The following BMAL1 variants were observed in gnomAD, a reference collection of about 807,000 sequenced individuals.
The protein encoded by BMAL1 is basic helix-loop-helix ARNT like 1, also known as basic helix-loop-helix ARNT-like protein 1.
the BMAL1 span, among the ~76,000 whole-genome samples, chr11:13,301,070 G>A: frequency 9.9e-5 from 15 of 152,162 alleles, no homozygotes; most frequent in Non-Finnish European, 2.2e-4. Flanking sequence ...CCCGAGAGGT[G>A]GGATTATAGG....
the BMAL1 span, chr11:13,366,633 G>GT: frequency 6.4e-7 from 1 of 1,560,748 alleles, no homozygotes; most frequent in Admixed American, 1.7e-5. Context: ...GCATGCAATT[G>GT]ACTTGTCATG....
chr11:13,366,843 GTGAGC>G, the BMAL1 span: 1 of 1,367,930 alleles, frequency 7.3e-7, no homozygotes, highest in African/African-American at 1.4e-5. Flanking sequence ...CCAACCCTGA[GTGAGC>G]AGAGGGCGGG....
At chr11:13,365,571 C>G in the BMAL1 span, 1 of 1,613,672 alleles carries the variant, frequency 6.2e-7, no homozygotes, top group Non-Finnish European at 8.5e-7. Context: ...AGTCTGTCTT[C>G]AAGATCCTCA....
At chr11:13,381,014 C>T in the BMAL1 span, 1 of 670,370 alleles carries the variant, frequency 1.5e-6, no homozygotes, top group Non-Finnish European at 2.6e-6. Context: ...ACCATATGGC[C>T]TAGAGAGCCT....
chr11:13,301,030 C>T, the BMAL1 span, among the ~76,000 whole-genome samples: 1 of 152,136 alleles, frequency 6.6e-6, no homozygotes, highest in African/African-American at 2.4e-5. Flanking sequence ...TTCTGACTAC[C>T]TGATTCAAGC....
At chr11:13,289,538 C>A in the BMAL1 span, among the ~76,000 whole-genome samples, 1 of 152,188 alleles carries the variant, frequency 6.6e-6, no homozygotes, top group East Asian at 1.9e-4. Context: ...TCCCAGCCCC[C>A]CAGCCCCTGA....
At chr11:13,384,772 T>C in the BMAL1 span, among the ~76,000 whole-genome samples, 1 of 152,226 alleles carries the variant, frequency 6.6e-6, no homozygotes, top group African/African-American at 2.4e-5. Context: ...TTTTAGAAAA[T>C]AGTTATTTTT....
chr11:13,355,203 A>G, the BMAL1 span: 1 of 1,611,076 alleles, frequency 6.2e-7, no homozygotes, highest in South Asian at 1.1e-5. Flanking sequence ...TACCCCCTAC[A>G]GCAGATGTCC....
At chr11:13,359,691 A>G in the BMAL1 span, among the ~76,000 whole-genome samples, 2 of 152,044 alleles carry the variant, frequency 1.3e-5, no homozygotes, top group East Asian at 3.8e-4. Context: ...ACTCCAAATC[A>G]TTTACTGCTG....
the BMAL1 span, among the ~76,000 whole-genome samples, chr11:13,359,167 G>A: frequency 6.6e-6 from 1 of 152,180 alleles, no homozygotes. Flanking sequence ...TGGGGAGGGT[G>A]AGAAAACATA....
At chr11:13,334,348 G>A in the BMAL1 span, among the ~76,000 whole-genome samples, 1 of 152,186 alleles carries the variant, frequency 6.6e-6, no homozygotes, top group African/African-American at 2.4e-5. Flanking sequence ...TCATTAGACA[G>A]GAGCCTTAGT....
chr11:13,369,833 C>A, the BMAL1 span: 1 of 1,563,452 alleles, frequency 6.4e-7, no homozygotes, highest in Admixed American at 1.9e-5. Context: ...GCGGAGCTCT[C>A]AGCTGGGCGT....
At chr11:13,360,205 C>T in the BMAL1 span, 1 of 649,268 alleles carries the variant, frequency 1.5e-6, no homozygotes, top group Non-Finnish European at 2.6e-6. Context: ...CTAGGCTCAT[C>T]TCAGTTAAGG....
chr11:13,313,155 C>T, the BMAL1 span, among the ~76,000 whole-genome samples: 47 of 152,356 alleles, frequency 3.1e-4, no homozygotes, highest in Non-Finnish European at 5.1e-4. Context: ...AGCGAGAACT[C>T]CCACCTCAGG....
At chr11:13,349,320 ATTGTTC>A in the BMAL1 span, among the ~76,000 whole-genome samples, 3 of 152,232 alleles carry the variant, frequency 2.0e-5, no homozygotes, top group African/African-American at 7.2e-5. Context: ...GTTGTTTTTC[ATTGTTC>A]TTGTTGTCTG....
the BMAL1 span, among the ~76,000 whole-genome samples, chr11:13,343,424 C>G: frequency 6.6e-6 from 1 of 152,192 alleles, no homozygotes; most frequent in Non-Finnish European, 1.5e-5. Context: ...CTTGCCCACT[C>G]AGATGCTCCC....
chr11:13,337,625 A>T, the BMAL1 span, among the ~76,000 whole-genome samples: 3 of 152,188 alleles, frequency 2.0e-5, no homozygotes, highest in African/African-American at 7.2e-5. Flanking sequence ...TTTAAATAGA[A>T]TCTTTGCTAA....
At chr11:13,280,062 G>T in the BMAL1 span, among the ~76,000 whole-genome samples, 2 of 152,162 alleles carry the variant, frequency 1.3e-5, no homozygotes, top group African/African-American at 2.4e-5. Flanking sequence ...GATCTCAAAG[G>T]TTCCTCTCTT....
chr11:13,376,503 T>C, the BMAL1 span: 2 of 833,196 alleles, frequency 2.4e-6, no homozygotes, highest in East Asian at 4.9e-5. Flanking sequence ...GTGAGACCTG[T>C]TTACCCACTC....
Sources: gnomAD v4.1 joint callset for allele counts (sites outside exome capture counted in the v4.1 genomes callset) on GRCh38, gnomAD v4.1.1 for gene constraint, MANE v1.5 for transcripts, NCBI Gene and HGNC (gene_info 2026-07-23, HGNC 2026-07-21) for gene names.